Variants in NTM observed in about 807,000 individuals in gnomAD.
NTM encodes the protein IgLON family member 2.
A neutral mutation model predicts 42.1 loss-of-function variants in NTM; 13 were observed. The ratio of observed to expected loss-of-function variants is 0.31; its 90% CI spans 0.20 to 0.49. The LOEUF (loss-of-function observed/expected upper bound fraction) is 0.49. Among genes scored for constraint, NTM ranks in the 20% least tolerant of loss-of-function variants. The pLI is 0.99. For missense variants in NTM, 373 were observed against 452.8 expected, an observed-to-expected ratio of 0.82 and a Z score of 1.60; for synonymous variants, 187 against 179.2, an observed-to-expected ratio of 1.04 and a Z score of -0.35.
chr11:131,854,651 T>C (rs2136879417), intron 1 of NTM, among the ~76,000 whole-genome samples: 1 of 152,130 alleles, frequency 6.6e-6, no homozygotes, highest in African/African-American at 2.4e-5. Context: ...GTTCGGGAGA[T>C]AGGGGAAAAA....
intron 2 of NTM, among the ~76,000 whole-genome samples, chr11:131,969,814 A>T (rs34349349): frequency 0.1 from 15,856 of 152,114 alleles, 839 homozygotes; most frequent in East Asian, 0.2. Context: ...GCGATGATAA[A>T]TTTTTTTATT....
intron 1 of NTM, among the ~76,000 whole-genome samples, chr11:131,789,490 GA>G (rs2090086875): frequency 8.3e-4 from 4 of 4,844 alleles, no homozygotes; most frequent in East Asian, 9.6e-3. Context: ...AGAAGAAGAA[GA>G]GGAAAGAAGA....
Position 132,120,840 on chromosome 11 carries a change from T to C in NTM, c.168-25442T>C, listed in dbSNP as rs548735881. On this transcript the variant is annotated intron_variant, in intron 2 of 8. Transcript: ENST00000683400. Reference sequence around the variant, plus strand: ...TGTCGTCTGAACCCCAAGGTGCCTCTTGGTAGAGTATGCATAGGCTGCTGC... The same window carrying C: ...TGTCGTCTGAACCCCAAGGTGCCTCCTGGTAGAGTATGCATAGGCTGCTGC... 1.8e-4 allele frequency among the ~76,000 whole-genome samples: 27 copies of C among 152,214 alleles called. No individual in the cohort carries two copies. In the East Asian group the frequency reaches 5.2e-3, roughly 29 times the overall value.
intron 1 of NTM, among the ~76,000 whole-genome samples, chr11:131,835,685 A>G (rs779913707): frequency 3.3e-5 from 5 of 152,150 alleles, no homozygotes; most frequent in Non-Finnish European, 7.4e-5. Context: ...TAGAGCTATT[A>G]ATTACAGAAT....
chr11:131,409,641 A>G (rs1475473962), intron 1 of NTM, among the ~76,000 whole-genome samples: 1 of 152,212 alleles, frequency 6.6e-6, no homozygotes, highest in East Asian at 1.9e-4. Context: ...GCACGGGGGC[A>G]GGGGAGCGGC....
At chr11:132,039,751 G>A (rs931244685) in intron 2 of NTM, among the ~76,000 whole-genome samples, 7 of 152,124 alleles carry the variant, frequency 4.6e-5, no homozygotes, top group African/African-American at 9.7e-5. Flanking sequence ...ACAGCAGCAG[G>A]AATGTGCGAG....
intron 1 of NTM, among the ~76,000 whole-genome samples, chr11:131,627,195 G>T (rs1430163971): frequency 3.3e-5 from 5 of 151,788 alleles, no homozygotes. Context: ...TGCTATTTGT[G>T]CATGAATAAA....
At chr11:131,546,336 T>C (rs758670962) in intron 1 of NTM, among the ~76,000 whole-genome samples, 3 of 152,244 alleles carry the variant, frequency 2.0e-5, no homozygotes, top group Non-Finnish European at 4.4e-5. Context: ...TCCGTGATCC[T>C]TGATACAAAC....
chr11:132,127,206 C>T (rs1000263366), intron 2 of NTM, among the ~76,000 whole-genome samples: 1 of 152,148 alleles, frequency 6.6e-6, no homozygotes, highest in African/African-American at 2.4e-5. Flanking sequence ...TCCAGAAAAA[C>T]ATACCTTGGC....
intron 1 of NTM, among the ~76,000 whole-genome samples, chr11:131,894,221 G>A (rs1332170018): frequency 1.3e-5 from 2 of 152,180 alleles, no homozygotes; most frequent in African/African-American, 4.8e-5. Context: ...TGCCTAATTA[G>A]GAGACACGAG....
chr11:131,621,825 G>GAAA (rs34307645), intron 1 of NTM, among the ~76,000 whole-genome samples: 2 of 105,526 alleles, frequency 1.9e-5, no homozygotes, highest in Non-Finnish European at 1.9e-5. Flanking sequence ...TCAACTCAAA[G>GAAA]AAAAAAAAAA....
chr11:132,027,734 T>A (rs1037634197), intron 2 of NTM, among the ~76,000 whole-genome samples: 4 of 152,190 alleles, frequency 2.6e-5, no homozygotes. Context: ...TTTTGGTATT[T>A]TGATTAGTGT....
intron 4 of NTM, among the ~76,000 whole-genome samples, chr11:132,229,099 C>G (rs149489875): frequency 6.6e-6 from 1 of 152,324 alleles, no homozygotes; most frequent in African/African-American, 2.4e-5. Context: ...TCCTCATCAC[C>G]GTGATCACCT....
In NTM at chr11:131,424,600, C is replaced by CTTTTCTTTTCT. The variant is rs1555108116; in HGVS notation, c.82+53716_82+53717insCTTTTCTTTTT. Among the ~76,000 whole-genome samples, 443 of 56,064 alleles carry CTTTTCTTTTCT rather than the reference C, an allele frequency of 7.9e-3. 24 individuals carry two copies. The highest frequency in any genetic ancestry group is 0.031 in the African/African-American group (422 of 13,774). 36.8% of individuals were successfully genotyped at this position (56,064 alleles called of 152,430 possible). A position where few individuals can be genotyped will look rare whatever the true frequency, so the allele number is the denominator to read the frequency against. ...AGTTGTTTTTTATTTCTTTTCTTTT[C>CTTTTCTTTTCT]TTTTTTTTTTTTTTTTTTGGCGCAA... On this transcript the variant is annotated intron_variant, in intron 1 of 8. Coordinates refer to ENST00000683400, the MANE Select transcript of NTM (RefSeq NM_001352005.2).
intron 2 of NTM, among the ~76,000 whole-genome samples, chr11:131,963,477 A>C (rs1009264990): frequency 2.0e-5 from 3 of 152,240 alleles, no homozygotes; most frequent in African/African-American, 7.2e-5. Context: ...TCAGTCTACA[A>C]ATATCCATGA....
intron 1 of NTM, among the ~76,000 whole-genome samples, chr11:131,812,799 A>G (rs2092793413): frequency 6.6e-6 from 1 of 152,172 alleles, no homozygotes; most frequent in African/African-American, 2.4e-5. Flanking sequence ...CTGCAAGGAA[A>G]GAACGGTGCC....
chr11:131,900,788 A>G (rs566887813), intron 1 of NTM, among the ~76,000 whole-genome samples: 20 of 152,338 alleles, frequency 1.3e-4, no homozygotes, highest in African/African-American at 4.1e-4. Context: ...AGCTACAGTG[A>G]TAACTACTAT....
chr11:131,874,653 C>T (rs999216833), intron 1 of NTM, among the ~76,000 whole-genome samples: 10 of 152,224 alleles, frequency 6.6e-5, no homozygotes, highest in Admixed American at 3.9e-4. Context: ...TTGTCTTTTG[C>T]GTAGATCTAT....
chr11:132,027,293 C>G (rs892579105), intron 2 of NTM, among the ~76,000 whole-genome samples: 1 of 152,172 alleles, frequency 6.6e-6, no homozygotes, highest in Non-Finnish European at 1.5e-5. Flanking sequence ...TGATCTGAAT[C>G]TCTGATTGAT....
Sources: gnomAD v4.1 joint callset for allele counts (sites outside exome capture counted in the v4.1 genomes callset) on GRCh38, gnomAD v4.1.1 for gene constraint, MANE v1.5 for transcripts, NCBI Gene and HGNC (gene_info 2026-07-23, HGNC 2026-07-21) for gene names.